NFIC: variants seen among roughly 807,000 people sequenced by gnomAD.
NFIC encodes nuclear factor I C, also known as nuclear factor 1 C-type.
In NFIC, 12 loss-of-function variants were observed where a neutral mutation model predicts 54.4. The observed-to-expected ratio is 0.22, with a 90% confidence interval of 0.14 to 0.36. The LOEUF is 0.36. NFIC is among the 10% of genes least tolerant of loss of function. The pLI, the probability that NFIC is intolerant of heterozygous loss-of-function variation, is 1.00. For missense variants in NFIC, 575 were observed against 718.2 expected, an observed-to-expected ratio of 0.80 and a Z score of 2.28; for synonymous variants, 322 against 319.2, an observed-to-expected ratio of 1.01 and a Z score of -0.09.
intron 2 of NFIC, among the ~76,000 whole-genome samples, chr19:3,386,988 C>T (rs907819689): frequency 6.6e-6 from 1 of 152,234 alleles, no homozygotes; most frequent in African/African-American, 2.4e-5. Flanking sequence ...CTTTTCCGAA[C>T]CGAGAGTCCC....
At chr19:3,454,186 G>A (rs563695295) in intron 9 of NFIC, 175 of 1,247,596 alleles carry the variant, frequency 1.4e-4, no homozygotes, top group Non-Finnish European at 1.7e-4. Flanking sequence ...CCCGGTGCCC[G>A]CCGTGGGCCG....
intron 1 of NFIC, among the ~76,000 whole-genome samples, chr19:3,373,685 C>T (rs538383508): frequency 4.0e-4 from 58 of 143,856 alleles, no homozygotes; most frequent in Middle Eastern, 3.8e-3. Context: ...TCTTAAATTT[C>T]TTCAGAGCAC....
At chr19:3,420,338 A>G (rs1277066151) in intron 2 of NFIC, among the ~76,000 whole-genome samples, 1 of 151,934 alleles carries the variant, frequency 6.6e-6, no homozygotes, top group Non-Finnish European at 1.5e-5. Flanking sequence ...AAGAAGAGAA[A>G]GAGATCAGCC....
chr19:3,386,483 T>C (rs1353604171), intron 2 of NFIC, among the ~76,000 whole-genome samples: 1 of 151,872 alleles, frequency 6.6e-6, no homozygotes, highest in African/African-American at 2.4e-5. Flanking sequence ...CCACCACACC[T>C]GGCCAATTTT....
chr19:3,394,513 T>TCCCCCCCCCCCCCCCC (rs1192475558), intron 2 of NFIC, among the ~76,000 whole-genome samples: 4 of 9,002 alleles, frequency 4.4e-4, no homozygotes, highest in African/African-American at 1.6e-3. Flanking sequence ...TTATGATCTT[T>TCCCCCCCCCCCCCCCC]TCCCCACCCA....
chr19:3,423,528 G>A (rs1411929170), intron 2 of NFIC, among the ~76,000 whole-genome samples: 1 of 152,122 alleles, frequency 6.6e-6, no homozygotes, highest in Non-Finnish European at 1.5e-5. Context: ...GGGTGGGGCT[G>A]GGGAGGGGCG....
intron 3 of NFIC, 62 bp from the exon 4 acceptor site, chr19:3,433,456 G>C: frequency 1.3e-6 from 2 of 1,573,160 alleles, no homozygotes; most frequent in Middle Eastern, 1.7e-4. Context: ...GGCAGCCCTG[G>C]AGTGTGGGGA....
chr19:3,388,927 C>T (rs577145033), intron 2 of NFIC, among the ~76,000 whole-genome samples: 116 of 152,198 alleles, frequency 7.6e-4, no homozygotes, highest in Non-Finnish European at 1.3e-3. Flanking sequence ...GTCGCTTGAA[C>T]CTAGGAGGCG....
intron 6 of NFIC, among the ~76,000 whole-genome samples, chr19:3,448,776 G>T (rs570206121): frequency 1.3e-5 from 2 of 152,144 alleles, no homozygotes; most frequent in South Asian, 4.1e-4. Context: ...CCAGGGGCAC[G>T]TGTTGATACC....
At chr19:3,363,264 TATA>T (rs1458192638), upstream of NFIC, among the ~76,000 whole-genome samples, 7 of 67,688 alleles carry the variant, frequency 1.0e-4, no homozygotes, top group African/African-American at 2.7e-4. Flanking sequence ...TATATATATA[TATA>T]TATTTTTTTT....
intron 1 of NFIC, among the ~76,000 whole-genome samples, chr19:3,371,896 C>CTTCCTTCT (rs751378345): frequency 0.12 from 12,149 of 104,578 alleles, 1,173 homozygotes; most frequent in Non-Finnish European, 0.17. Flanking sequence ...TCCTTCCTTC[C>CTTCCTTCT]TTCCTTCCTT....
intron 2 of NFIC, among the ~76,000 whole-genome samples, chr19:3,421,391 G>C (rs1164952363): frequency 6.6e-6 from 1 of 152,212 alleles, no homozygotes; most frequent in Non-Finnish European, 1.5e-5. Flanking sequence ...CCAACGTCAT[G>C]GCCACCGGTG....
rs751620047 is a variant in NFIC at position 3,453,739 on chromosome 19, C to T, written c.1270-24C>T. On this transcript the variant is annotated intron_variant, in intron 8 of 10. Coordinates refer to ENST00000443272, the MANE Select transcript of NFIC (RefSeq NM_001245002.2). This position sits in a 1 kb window ranked among gnomAD's most constrained non-coding sequence, Gnocchi z 6.7. ...GGTAGAGGGGGAGCCCACCCCTTAACCACGTGTCTCTCTGTTCCCCCAGTT... is the reference window on the plus strand; with the variant it reads ...GGTAGAGGGGGAGCCCACCCCTTAATCACGTGTCTCTCTGTTCCCCCAGTT... The T allele has an allele frequency of 6.3e-7, 1 of 1,592,478 alleles. No individual in the cohort carries two copies. The highest frequency in any genetic ancestry group is 8.5e-7 in the Non-Finnish European group (1 of 1,171,576).
chr19:3,463,663 C>T lies in NFIC; in HGVS notation c.*894C>T. The T allele has an allele frequency of 6.1e-6, 6 of 981,516 alleles. No individual in the cohort carries two copies. Among genetic ancestry groups the T allele is most frequent in the South Asian group, 9.4e-5 (2 of 21,174 alleles). 60.8% of individuals were successfully genotyped at this position (981,516 alleles called of 1,614,324 possible). On this transcript the variant is annotated 3_prime_UTR_variant, in exon 11 of 11. Coordinates refer to ENST00000443272, the MANE Select transcript of NFIC (RefSeq NM_001245002.2). ...CCCGGCATAGGAGGCCCCCCCACCTCGCCCGGCTCACACCCCCAAAGGGAG... is the reference window on the plus strand; with the variant it reads ...CCCGGCATAGGAGGCCCCCCCACCTTGCCCGGCTCACACCCCCAAAGGGAG...
chr19:3,459,581 C>A lies in NFIC; in HGVS notation c.1509+2946C>A, dbSNP rs970611685. On this transcript the variant is annotated intron_variant, in intron 10 of 10. Transcript: ENST00000443272. This position sits in a 1 kb window ranked among gnomAD's most constrained non-coding sequence, Gnocchi z 4.2. ...ACCTACTGCCTCAGTCTCCCCTCAG[C>A]TGAGTGGGAGGATGTGGAGTTGAGG... Among the ~76,000 whole-genome samples the A allele has an allele frequency of 1.3e-5, 2 of 152,148 alleles. No individual in the cohort carries two copies. The highest frequency in any genetic ancestry group is 2.9e-5 in the Non-Finnish European group (2 of 68,002).
intron 10 of NFIC, 75 bp downstream of exon 10, chr19:3,456,710 G>C (rs1413316802): frequency 5.3e-6 from 7 of 1,316,318 alleles, no homozygotes; most frequent in Non-Finnish European, 7.4e-6. Flanking sequence ...TCAGGGCGAA[G>C]AGGGCCTGCT....
Position 3,452,807 on chromosome 19 carries a change from G to T in NFIC, c.1269+141G>T. The T allele has an allele frequency of 9.5e-7, 1 of 1,051,886 alleles. No homozygotes were observed. The allele number at this position is 1,051,886 out of a possible 1,614,324, so 65.2% of individuals were successfully genotyped here. The stretch of plus-strand genomic sequence containing the variant: ...CTGAAGTCCCCTCCTCTGTCGTGCT[G>T]GGAGGCAGCTGGATTGGGTCAGAAT... On this transcript the variant is annotated intron_variant, in intron 8 of 10. Coordinates refer to ENST00000443272, the MANE Select transcript of NFIC (RefSeq NM_001245002.2). This position sits in a 1 kb window ranked among gnomAD's most constrained non-coding sequence, Gnocchi z 5.3.
chr19:3,394,514 T>TCCCCC lies in NFIC; in HGVS notation c.562+12275_562+12276insCCCCC, dbSNP rs199958298. Among the ~76,000 whole-genome samples the TCCCCC allele has an allele frequency of 7.4e-3, 185 of 25,132 alleles. 1 individual carries two copies. The highest frequency in any genetic ancestry group is 0.018 in the East Asian group (8 of 442). The allele number at this position is 25,132 out of a possible 152,430, so 16.5% of individuals were successfully genotyped here. On this transcript the variant is annotated intron_variant, in intron 2 of 10. Transcript: ENST00000443272. Reference sequence around the variant, plus strand: ...GTTATCGAGGTATTTTATGATCTTTTCCCCACCCACCCCCCACCCGCTTAC... The same window carrying TCCCCC: ...GTTATCGAGGTATTTTATGATCTTTTCCCCCCCCCACCCACCCCCCACCCGCTTAC...
upstream of NFIC, among the ~76,000 whole-genome samples, chr19:3,366,248 G>C (rs1202568546): frequency 6.6e-6 from 1 of 151,494 alleles, no homozygotes; most frequent in Non-Finnish European, 1.5e-5. Flanking sequence ...GGAGGAGCGG[G>C]GGGGTCCTGA....
Sources: gnomAD v4.1 joint callset for allele counts (sites outside exome capture counted in the v4.1 genomes callset) on GRCh38, gnomAD v4.1.1 for gene constraint, Gnocchi (gnomAD v3.1) non-coding constraint, MANE v1.5 for transcripts, NCBI Gene and HGNC (gene_info 2026-07-23, HGNC 2026-07-21) for gene names.